Variants in ROBO1 observed in about 807,000 individuals in gnomAD.
The protein encoded by ROBO1 is roundabout homolog 1.
In ROBO1, 149 loss-of-function variants were observed where a neutral mutation model predicts 195.9. That is an observed-to-expected ratio of 0.76 (90% CI 0.67 to 0.87). The LOEUF is 0.87. ROBO1 is among the 40% of genes least tolerant of loss of function. The pLI is 0.00. For synonymous variants in ROBO1, 816 were observed against 733.2 expected (o/e 1.11, Z -1.82); for missense variants, 1,933 against 2,068.3 (o/e 0.93, Z 1.27).
At chr3:78,682,468 T>C (rs912057794) in intron 10 of ROBO1, among the ~76,000 whole-genome samples, 1 of 147,914 alleles carries the variant, frequency 6.8e-6, no homozygotes, top group African/African-American at 2.5e-5. Flanking sequence ...TATATGTATA[T>C]ATATGACTGT....
intron 3 of ROBO1, among the ~76,000 whole-genome samples, chr3:79,002,370 G>A (rs1239886772): frequency 6.6e-6 from 1 of 152,004 alleles, no homozygotes; most frequent in South Asian, 2.1e-4. Flanking sequence ...AGTATCAATA[G>A]TCCAATATTT....
intron 1 of ROBO1, among the ~76,000 whole-genome samples, chr3:79,713,733 C>T (rs148526519): frequency 0.028 from 4,202 of 152,160 alleles, 187 homozygotes; most frequent in African/African-American, 0.095. Flanking sequence ...TTAGGTCTAA[C>T]ATGTAAGTCT....
intron 2 of ROBO1, among the ~76,000 whole-genome samples, chr3:79,481,307 C>T (rs1318340790): frequency 6.6e-6 from 1 of 152,018 alleles, no homozygotes; most frequent in Admixed American, 6.6e-5. Context: ...TTGTCGAACA[C>T]AATTTTATCT....
At chr3:79,024,525 A>C (rs1040403613) in intron 3 of ROBO1, among the ~76,000 whole-genome samples, 1 of 152,190 alleles carries the variant, frequency 6.6e-6, no homozygotes, top group Admixed American at 6.5e-5. Context: ...CTTATATTTG[A>C]GCTCAGTTTG....
chr3:79,434,481 G>T (rs956157349), intron 2 of ROBO1, among the ~76,000 whole-genome samples: 2 of 152,072 alleles, frequency 1.3e-5, no homozygotes, highest in Non-Finnish European at 2.9e-5. Flanking sequence ...CAACATCACT[G>T]GCCATCAGAG....
intron 2 of ROBO1, among the ~76,000 whole-genome samples, chr3:79,509,369 T>C (rs1940577466): frequency 6.6e-6 from 1 of 152,246 alleles, no homozygotes; most frequent in Middle Eastern, 3.4e-3. Flanking sequence ...CATTTTAAAA[T>C]GTTTACCTCA....
chr3:79,438,467 A>C (rs1308213629), intron 2 of ROBO1, among the ~76,000 whole-genome samples: 1 of 152,050 alleles, frequency 6.6e-6, no homozygotes, highest in Non-Finnish European at 1.5e-5. Context: ...ATGAGAAAAA[A>C]GTAGGTGTAC....
intron 3 of ROBO1, among the ~76,000 whole-genome samples, chr3:79,021,834 G>A (rs2078109680): frequency 1.3e-5 from 2 of 151,918 alleles, no homozygotes; most frequent in Admixed American, 1.3e-4. Context: ...CTAATTTTTT[G>A]TATTTTTAGT....
chr3:79,216,527 G>C (rs1303297145), intron 2 of ROBO1, among the ~76,000 whole-genome samples: 2 of 151,946 alleles, frequency 1.3e-5, no homozygotes, highest in Non-Finnish European at 2.9e-5. Context: ...ATGTTACGTT[G>C]AGTTTCCAAA....
intron 2 of ROBO1, among the ~76,000 whole-genome samples, chr3:79,427,686 G>A (rs535796611): frequency 3.3e-5 from 5 of 152,232 alleles, no homozygotes; most frequent in Admixed American, 1.3e-4. Flanking sequence ...AACATACATC[G>A]GGGACAGGAC....
chr3:78,918,108 T>TC (rs1553764750), intron 4 of ROBO1, among the ~76,000 whole-genome samples: 2 of 152,220 alleles, frequency 1.3e-5, no homozygotes, highest in Non-Finnish European at 2.9e-5. Context: ...AACATTAGAT[T>TC]GTGAGCATTC....
At chr3:78,975,167 A>T (rs540732583) in intron 3 of ROBO1, among the ~76,000 whole-genome samples, 2 of 152,282 alleles carry the variant, frequency 1.3e-5, no homozygotes, top group Admixed American at 1.3e-4. Flanking sequence ...GCCTCTAAAA[A>T]GTCTCTTAGA....
chr3:79,416,767 G>A (rs747741164), intron 2 of ROBO1, among the ~76,000 whole-genome samples: 11 of 152,070 alleles, frequency 7.2e-5, no homozygotes, highest in African/African-American at 1.2e-4. Flanking sequence ...ACTTCTTGAG[G>A]CGAGGCATCT....
At chr3:79,371,055 T>C (rs976464564) in intron 2 of ROBO1, among the ~76,000 whole-genome samples, 16 of 152,214 alleles carry the variant, frequency 1.1e-4, no homozygotes, top group East Asian at 3.8e-4. Context: ...CCATGGTGTA[T>C]ATTGCCACAT....
At chr3:79,618,696 T>C (rs1292055360) in intron 1 of ROBO1, among the ~76,000 whole-genome samples, 2 of 152,202 alleles carry the variant, frequency 1.3e-5, no homozygotes, top group East Asian at 3.9e-4. Flanking sequence ...AAAGCCTGTT[T>C]CATGGTCTCT....
chr3:79,567,519 T>C (rs1943128615), intron 2 of ROBO1, among the ~76,000 whole-genome samples: 1 of 152,190 alleles, frequency 6.6e-6, no homozygotes, highest in Admixed American at 6.6e-5. Context: ...TATTTGTGCA[T>C]GTGCAATCTT....
chr3:78,957,525 C>T (rs2041111281), intron 3 of ROBO1, among the ~76,000 whole-genome samples: 1 of 152,120 alleles, frequency 6.6e-6, no homozygotes, highest in Non-Finnish European at 1.5e-5. Flanking sequence ...GTATGCAGAA[C>T]TGCATGCAAC....
rs139977953 is a variant in ROBO1, at chr3:79,343,536, A to G, written c.89-217997T>C. Reference sequence around the variant, plus strand: ...TGAATTTTGTGATTAACAGGTTAGAATTAAAACAAAAGCCTTCACAGAAAT... The same window carrying G: ...TGAATTTTGTGATTAACAGGTTAGAGTTAAAACAAAAGCCTTCACAGAAAT... On this transcript the variant is annotated intron_variant, in intron 2 of 30. Transcript: ENST00000464233. Among the ~76,000 whole-genome samples the G allele has an allele frequency of 2.8e-4, 43 of 152,346 alleles. No individual in the cohort carries two copies. The East Asian group carries it at 7.7e-3, about 27-fold the overall frequency.
At position 79,412,874 on chromosome 3, in the gene ROBO1, A is replaced by ATTTTTTTTTTT. The variant is rs1167482550; in HGVS notation, c.88+176939_88+176949dup. 2.6e-3 allele frequency among the ~76,000 whole-genome samples: 98 copies of ATTTTTTTTTTT among 38,344 alleles called. 19 individuals are homozygous for ATTTTTTTTTTT. The highest frequency in any genetic ancestry group is 3.1e-3 in the African/African-American group (25 of 8,184). 25.2% of individuals were successfully genotyped at this position (38,344 alleles called of 152,430 possible). ...AATGATTTTATTGCCTCATGAGCTG[A>ATTTTTTTTTTT]TTTTTTTTTTTTTTTTTTTTTTTTT... On this transcript the variant is annotated intron_variant, in intron 2 of 30. Coordinates refer to ENST00000464233, the MANE Select transcript of ROBO1 (RefSeq NM_002941.4).
Sources: gnomAD v4.1 joint callset for allele counts (sites outside exome capture counted in the v4.1 genomes callset) on GRCh38, gnomAD v4.1.1 for gene constraint, MANE v1.5 for transcripts, NCBI Gene and HGNC (gene_info 2026-07-23, HGNC 2026-07-21) for gene names.